PPP5C: variants seen among roughly 807,000 people sequenced by gnomAD.
PPP5C encodes the protein protein phosphatase 5 catalytic subunit, also known as serine/threonine-protein phosphatase 5.
In PPP5C, 21 loss-of-function variants were observed where a neutral mutation model predicts 66.7. That is an observed-to-expected ratio of 0.31 (90% CI 0.22 to 0.45). The LOEUF is 0.45. PPP5C is among the 20% of genes least tolerant of loss of function. The pLI is 1.00. For synonymous variants in PPP5C, 246 were observed against 257.4 expected, an observed-to-expected ratio of 0.96 and a Z score of 0.43; for missense variants, 464 against 675.9, an observed-to-expected ratio of 0.69 and a Z score of 3.48.
intron 2 of PPP5C, among the ~76,000 whole-genome samples, chr19:46,365,712 C>T (rs1972479834): frequency 6.6e-6 from 1 of 152,158 alleles, no homozygotes; most frequent in Non-Finnish European, 1.5e-5. Flanking sequence ...CATCCCCATA[C>T]CTCTGCAAAG....
In PPP5C at chr19:46,376,368, T is replaced by C; in HGVS notation, c.512-85T>C. On this transcript the variant is annotated intron_variant, in intron 3 of 12. Coordinates refer to ENST00000012443, the MANE Select transcript of PPP5C (RefSeq NM_006247.4). This position sits in a 1 kb window ranked among gnomAD's most constrained non-coding sequence, Gnocchi z 5.1. ...TCGACCTGTGTGTCCACACCCAAGT[T>C]TTCCCCATCCCTGGGAGCGAGACCC... 6.5e-7 allele frequency: 1 copy of C among 1,543,736 alleles called. No homozygotes were observed. Among genetic ancestry groups the C allele is most frequent in the Non-Finnish European group, 8.8e-7 (1 of 1,133,840 alleles).
At chr19:46,387,929 C>T in intron 9 of PPP5C, 1 of 317,938 alleles carries the variant, frequency 3.1e-6, no homozygotes, top group South Asian at 3.5e-5. Context: ...ATCTGCCGTG[C>T]ACAGAGCCTG....
intron 2 of PPP5C, among the ~76,000 whole-genome samples, chr19:46,364,470 C>T (rs1438342581): frequency 6.6e-6 from 1 of 152,090 alleles, no homozygotes; most frequent in Non-Finnish European, 1.5e-5. Context: ...AAACAGATAG[C>T]AAACCTATCT....
intron 1 of PPP5C, among the ~76,000 whole-genome samples, chr19:46,348,268 T>A (rs1201798259): frequency 6.6e-6 from 1 of 150,764 alleles, no homozygotes; most frequent in Non-Finnish European, 1.5e-5. Context: ...GGCCAGATCA[T>A]GCAGGGTCTC....
intron 2 of PPP5C, among the ~76,000 whole-genome samples, chr19:46,368,688 T>C (rs1232307361): frequency 1.3e-5 from 2 of 152,128 alleles, no homozygotes; most frequent in African/African-American, 2.4e-5. Flanking sequence ...GTGCACCCAG[T>C]ACATAGATTT....
At chr19:46,364,534 T>A (rs925779516) in intron 2 of PPP5C, among the ~76,000 whole-genome samples, 3 of 152,106 alleles carry the variant, frequency 2.0e-5, no homozygotes, top group Non-Finnish European at 4.4e-5. Flanking sequence ...CTTTGGGAGG[T>A]GGGTCATATT....
intron 2 of PPP5C, among the ~76,000 whole-genome samples, chr19:46,354,204 C>T (rs533512632): frequency 1.3e-5 from 2 of 152,352 alleles, no homozygotes; most frequent in African/African-American, 4.8e-5. Flanking sequence ...TACCCCGCCT[C>T]GCCACACCTT....
rs760482826 is a variant in PPP5C, at chr19:46,383,166, T to A, written c.634-245T>A. ...CTTGATGCTGAGTATTTTAAGATAA[T>A]TCAAGAATCAGGTTTTCGTACAAAA... On this transcript the variant is annotated intron_variant, in intron 4 of 12. Transcript: ENST00000012443. This position sits in a 1 kb window ranked among gnomAD's most constrained non-coding sequence, Gnocchi z 5.0. 112 of 1,468,092 alleles carry A rather than the reference T, an allele frequency of 7.6e-5. No individual in the cohort carries two copies. The African/African-American group carries it at 1.4e-3, about 19-fold the overall frequency. The allele number at this position is 1,468,092 out of a possible 1,614,324, so 90.9% of individuals were successfully genotyped here. A position where few individuals can be genotyped will look rare whatever the true frequency, so the allele number is the denominator to read the frequency against.
chr19:46,390,472 G>A lies in PPP5C; in HGVS notation c.*126G>A. The A allele has an allele frequency of 7.3e-6, 11 of 1,514,476 alleles. No homozygotes were observed. Among genetic ancestry groups the A allele is most frequent in the South Asian group, 1.2e-5 (1 of 81,600 alleles). 93.8% of individuals were successfully genotyped at this position (1,514,476 alleles called of 1,614,324 possible). Reference sequence around the variant, plus strand: ...GACCCCCTTTTACTTTGTAAAGTTTGTATTTATTCCCCTTTAGGTTTGCAG... The same window carrying A: ...GACCCCCTTTTACTTTGTAAAGTTTATATTTATTCCCCTTTAGGTTTGCAG... On this transcript the variant is annotated 3_prime_UTR_variant, in exon 13 of 13. Transcript: ENST00000012443.
At chr19:46,361,343 A>G (rs1972385453) in intron 2 of PPP5C, among the ~76,000 whole-genome samples, 1 of 149,774 alleles carries the variant, frequency 6.7e-6, no homozygotes. Context: ...GTTAGCCAGG[A>G]TGGTCTCAAT....
In PPP5C at chr19:46,390,058, A is replaced by T. The variant is rs1454310589; in HGVS notation, c.1363A>T (p.Met455Leu). ...VFSAPNYCDQ[M>L]GNKASYIHLQ... Reference sequence around the variant, plus strand: ...CTGCTCCTGTCCCTGCAGCGACCAGATGGGGAACAAAGCCTCCTACATCCA... The same window carrying T: ...CTGCTCCTGTCCCTGCAGCGACCAGTTGGGGAACAAAGCCTCCTACATCCA... The change falls in exon 12 of 13, where the codon ATG (methionine) becomes TTG (leucine). Residue 455 changes from methionine to leucine, a missense_variant. By Grantham distance (15) the Met-to-Leu change is conservative. This residue lies in a region of PPP5C where 387 missense variants were observed against 626.0 expected (regional missense o/e 0.62). Coordinates refer to ENST00000012443, the MANE Select transcript of PPP5C (RefSeq NM_006247.4). 1 of 1,613,952 alleles carries T rather than the reference A, an allele frequency of 6.2e-7. No individual in the cohort carries two copies. Among genetic ancestry groups the T allele is most frequent in the East Asian group, 2.2e-5 (1 of 44,854 alleles).
At chr19:46,358,553 T>G (rs1028534887) in intron 2 of PPP5C, among the ~76,000 whole-genome samples, 1 of 152,236 alleles carries the variant, frequency 6.6e-6, no homozygotes, top group Non-Finnish European at 1.5e-5. Flanking sequence ...TTCCTCCGTT[T>G]CTTCATTTAT....
chr19:46,351,809 T>A (rs1972190818), intron 1 of PPP5C, among the ~76,000 whole-genome samples: 1 of 152,132 alleles, frequency 6.6e-6, no homozygotes, highest in Non-Finnish European at 1.5e-5. Context: ...TACTCAACAG[T>A]GACGATGAGA....
At chr19:46,348,337 G>T (rs947185629) in intron 1 of PPP5C, among the ~76,000 whole-genome samples, 52 of 147,608 alleles carry the variant, frequency 3.5e-4, no homozygotes, top group African/African-American at 1.2e-3. Flanking sequence ...TTTGAGACGG[G>T]AGTTTTGCTC....
chr19:46,370,582 T>C (rs1972571934), intron 2 of PPP5C, among the ~76,000 whole-genome samples: 1 of 152,156 alleles, frequency 6.6e-6, no homozygotes, highest in Admixed American at 6.5e-5. Context: ...TTTTTCGTCA[T>C]GGATTTGTGT....
intron 2 of PPP5C, among the ~76,000 whole-genome samples, chr19:46,366,699 A>G (rs1292678305): frequency 1.3e-5 from 2 of 152,212 alleles, no homozygotes; most frequent in Non-Finnish European, 2.9e-5. Flanking sequence ...GGGGTTTTGC[A>G]GGAAATATCA....
chr19:46,364,339 G>C (rs1248457503), intron 2 of PPP5C, among the ~76,000 whole-genome samples: 4 of 152,182 alleles, frequency 2.6e-5, no homozygotes, highest in African/African-American at 4.8e-5. Context: ...CATTCGGCCA[G>C]ATGCAGTGGC....
At chr19:46,362,892 ATTCCC>A (rs1972415480) in intron 2 of PPP5C, among the ~76,000 whole-genome samples, 4 of 150,510 alleles carry the variant, frequency 2.7e-5, no homozygotes, top group Non-Finnish European at 4.4e-5. Context: ...GGTTCATGCC[ATTCCC>A]CTGCCTCAGC....
At chr19:46,355,584 G>T (rs1222353786) in intron 2 of PPP5C, among the ~76,000 whole-genome samples, 4 of 151,980 alleles carry the variant, frequency 2.6e-5, no homozygotes, top group African/African-American at 9.7e-5. Flanking sequence ...ACCTAGAAGG[G>T]TGGGGGCAGG....
Sources: allele counts gnomAD v4.1 joint callset (sites outside exome capture counted in the v4.1 genomes callset), GRCh38; gene constraint gnomAD v4.1.1; regional missense constraint gnomAD v4.1.1; non-coding constraint Gnocchi (gnomAD v3.1); transcripts MANE v1.5; gene names NCBI Gene and HGNC (gene_info 2026-07-23, HGNC 2026-07-21).